CUX2: variants seen among roughly 807,000 people sequenced by gnomAD.
CUX2 encodes the protein homeobox protein cut-like 2.
In CUX2, 40 loss-of-function variants were observed where a neutral mutation model predicts 144.8. The observed-to-expected ratio is 0.28, with a 90% CI of 0.21 to 0.36. The LOEUF (loss-of-function observed/expected upper bound fraction) is 0.36. CUX2 is among the 10% of genes least tolerant of loss of function. The pLI is 1.00. For synonymous variants in CUX2, 827 were observed against 875.6 expected (o/e 0.94, Z 0.98); for missense variants, 1,615 against 1,994.0 (o/e 0.81, Z 3.62).
chr12:111,113,156 G>T (rs1874079185), intron 1 of CUX2, among the ~76,000 whole-genome samples: 1 of 152,132 alleles, frequency 6.6e-6, no homozygotes, highest in Admixed American at 6.5e-5. Context: ...ATGGAGGGGA[G>T]CCGGGAGGGG....
At chr12:111,102,095 C>T (rs760066390) in intron 1 of CUX2, among the ~76,000 whole-genome samples, 4 of 152,208 alleles carry the variant, frequency 2.6e-5, no homozygotes, top group Non-Finnish European at 5.9e-5. Context: ...TGTAGCCTTG[C>T]CCACTGTGTG....
chr12:111,138,752 T>TCCATC (rs1301811161), intron 1 of CUX2, among the ~76,000 whole-genome samples: 4 of 151,964 alleles, frequency 2.6e-5, no homozygotes, highest in African/African-American at 7.3e-5. Context: ...TGCAAGATGT[T>TCCATC]CCATCCCATC....
At chr12:111,112,127 G>A (rs1677686941) in intron 1 of CUX2, among the ~76,000 whole-genome samples, 1 of 152,142 alleles carries the variant, frequency 6.6e-6, no homozygotes, top group Non-Finnish European at 1.5e-5. Context: ...GTGGCCAATT[G>A]ATCTCTCCTC....
At chr12:111,262,775 T>C (rs560613866) in intron 3 of CUX2, among the ~76,000 whole-genome samples, 27 of 152,360 alleles carry the variant, frequency 1.8e-4, no homozygotes, top group African/African-American at 6.3e-4. Flanking sequence ...TTAAAGTTGT[T>C]TGATATCTTA....
intron 10 of CUX2, among the ~76,000 whole-genome samples, chr12:111,306,635 G>A (rs991931523): frequency 6.6e-6 from 1 of 152,152 alleles, no homozygotes; most frequent in East Asian, 1.9e-4. Context: ...TACCTATGCT[G>A]TTTCCTCTGG....
At chr12:111,141,250 A>C (rs1256089778) in intron 1 of CUX2, among the ~76,000 whole-genome samples, 1 of 152,052 alleles carries the variant, frequency 6.6e-6, no homozygotes, top group Non-Finnish European at 1.5e-5. Flanking sequence ...ACACACACAC[A>C]CACACATTCT....
At chr12:111,269,377 T>C (rs539915595) in intron 4 of CUX2, among the ~76,000 whole-genome samples, 7 of 152,334 alleles carry the variant, frequency 4.6e-5, no homozygotes, top group Non-Finnish European at 7.4e-5. Context: ...CCCCCTTCCA[T>C]GCACATCTTG....
At chr12:111,271,319 TTTG>T (rs1884637730) in intron 4 of CUX2, among the ~76,000 whole-genome samples, 1 of 152,128 alleles carries the variant, frequency 6.6e-6, no homozygotes, top group Non-Finnish European at 1.5e-5. Context: ...AGAAAAGCAT[TTTG>T]TTGTTTTTCT....
chr12:111,225,794 G>T (rs1241432011), intron 3 of CUX2, among the ~76,000 whole-genome samples: 1 of 152,202 alleles, frequency 6.6e-6, no homozygotes, highest in Non-Finnish European at 1.5e-5. Flanking sequence ...TGCCAGGAAA[G>T]CCCGCCGCAT....
rs369707993 is a variant in CUX2, at chr12:111,322,544, G to A, written c.2890G>A (p.Gly964Ser). 1.7e-5 allele frequency: 27 copies of A among 1,609,690 alleles called. No individual in the cohort carries two copies. Among genetic ancestry groups the A allele is most frequent in the African/African-American group, 5.3e-5 (4 of 74,914 alleles). ...RMQLWLSDQL[G>S]QAVGQQPGAS... is the part of the protein sequence containing the mutation. The stretch of plus-strand genomic sequence containing the variant: ...GCAGCTGTGGCTCTCTGACCAGCTC[G>A]GCCAGGCAGTGGGCCAGCAGCCTGG... The change falls in exon 18 of 22, where the codon GGC becomes AGC. Residue 964 changes from glycine to serine, a missense_variant. Coordinates refer to ENST00000261726, the MANE Select transcript of CUX2 (RefSeq NM_015267.4). The surrounding 1 kb of genome is among the most constrained non-coding windows in gnomAD (Gnocchi z 4.2).
chr12:111,265,669 C>T (rs1884350255), intron 4 of CUX2, among the ~76,000 whole-genome samples: 2 of 151,998 alleles, frequency 1.3e-5, no homozygotes, highest in Admixed American at 6.6e-5. Flanking sequence ...TTAAATGGCC[C>T]ATCCCCTGCT....
At chr12:111,066,323 C>G (rs1434921135) in intron 1 of CUX2, among the ~76,000 whole-genome samples, 1 of 152,188 alleles carries the variant, frequency 6.6e-6, no homozygotes, top group African/African-American at 2.4e-5. Context: ...ATAGTGGGAG[C>G]ATTTCAGGTT....
At chr12:111,276,737 T>G (rs1884894462) in intron 4 of CUX2, among the ~76,000 whole-genome samples, 1 of 152,202 alleles carries the variant, frequency 6.6e-6, no homozygotes, top group African/African-American at 2.4e-5. Context: ...CACTGCAACC[T>G]CCTGGGTTCA....
intron 1 of CUX2, among the ~76,000 whole-genome samples, chr12:111,112,398 G>A (rs564403339): frequency 9.2e-5 from 14 of 152,316 alleles, no homozygotes; most frequent in Non-Finnish European, 1.5e-4. Context: ...AGAAATCAAT[G>A]TTTGCTGCAT....
chr12:111,122,202 C>T (rs1420463961), intron 1 of CUX2, among the ~76,000 whole-genome samples: 1 of 152,184 alleles, frequency 6.6e-6, no homozygotes, highest in Non-Finnish European at 1.5e-5. Context: ...AACTCATATT[C>T]CATTTTCTAC....
intron 1 of CUX2, among the ~76,000 whole-genome samples, chr12:111,183,040 G>A (rs1476491934): frequency 2.0e-5 from 3 of 152,190 alleles, no homozygotes; most frequent in Non-Finnish European, 4.4e-5. Flanking sequence ...ACCTGTTTGG[G>A]AGATGCAGAA....
chr12:111,324,202 T>C (rs1216931596), intron 18 of CUX2, among the ~76,000 whole-genome samples: 2 of 151,720 alleles, frequency 1.3e-5, no homozygotes, highest in East Asian at 3.9e-4. Context: ...TACAAAAAAT[T>C]AGCTGGAAAT....
At chr12:111,110,637 AT>A (rs1179812455) in intron 1 of CUX2, among the ~76,000 whole-genome samples, 1 of 152,250 alleles carries the variant, frequency 6.6e-6, no homozygotes, top group Non-Finnish European at 1.5e-5. Flanking sequence ...TGCTGTCACT[AT>A]TTATTAACCT....
chr12:111,253,192 G>A (rs961174845), intron 3 of CUX2, among the ~76,000 whole-genome samples: 4 of 152,064 alleles, frequency 2.6e-5, no homozygotes, highest in Non-Finnish European at 5.9e-5. Context: ...CTGTTAAAAC[G>A]CGTGTCAGAT....
Sources: allele counts gnomAD v4.1 joint callset (sites outside exome capture counted in the v4.1 genomes callset), GRCh38; gene constraint gnomAD v4.1.1; non-coding constraint Gnocchi (gnomAD v3.1); transcripts MANE v1.5; gene names NCBI Gene and HGNC (gene_info 2026-07-23, HGNC 2026-07-21).